HK2: variants seen among roughly 807,000 people sequenced by gnomAD.
HK2 encodes the protein hexokinase 2.
HK2 carries 42 observed loss-of-function variants against 92.9 expected under a neutral mutation model. The ratio of observed to expected loss-of-function variants is 0.45; its 90% confidence interval spans 0.35 to 0.58. The LOEUF is 0.58. HK2 is among the 20% of genes least tolerant of loss of function. The pLI is 0.00. For missense variants in HK2, 978 were observed against 1,245.1 expected (o/e 0.79, Z 3.23); for synonymous variants, 422 against 468.0 (o/e 0.90, Z 1.27).
At chr2:74,855,594 G>T (rs1394322905) in intron 2 of HK2, among the ~76,000 whole-genome samples, 1 of 152,234 alleles carries the variant, frequency 6.6e-6, no homozygotes, top group Admixed American at 6.5e-5. Context: ...GGGGAAAAAG[G>T]ATCACGGTGG....
rs1558800257 is a variant in HK2 at position 74,874,430 on chromosome 2, C to T, written c.856C>T (p.Leu286=). The change falls in exon 7 of 18, where the codon CTG becomes TTG. Residue 286 remains leucine, a synonymous_variant. Transcript: ENST00000290573. ...EFDQEIDMGS[L]NPGKQLFEKM... ...TGACCAGGAGATTGACATGGGCTCACTGAACCCGGGAAAGCAACTGTGAGT... is the reference window on the plus strand; with the variant it reads ...TGACCAGGAGATTGACATGGGCTCATTGAACCCGGGAAAGCAACTGTGAGT... The T allele has an allele frequency of 1.2e-6, 2 of 1,607,546 alleles. No individual in the cohort carries two copies. The highest frequency in any genetic ancestry group is 1.7e-6 in the Non-Finnish European group (2 of 1,176,358).
At chr2:74,861,273 TA>T (rs1688818588) in intron 2 of HK2, among the ~76,000 whole-genome samples, 1 of 152,106 alleles carries the variant, frequency 6.6e-6, no homozygotes, top group Non-Finnish European at 1.5e-5. Flanking sequence ...TATAAAAAAT[TA>T]GCCGGTTGTG....
intron 17 of HK2, among the ~76,000 whole-genome samples, chr2:74,890,595 A>T (rs565331981): frequency 6.6e-6 from 1 of 152,336 alleles, no homozygotes; most frequent in South Asian, 2.1e-4. Flanking sequence ...AATTGGGCAT[A>T]GTACTAGTGT....
Position 74,880,581 on chromosome 2 carries a change from G to T in HK2, c.1570+12G>T. 6.2e-7 allele frequency: 1 copy of T among 1,611,710 alleles called. No homozygotes were observed. The highest frequency in any genetic ancestry group is 2.2e-5 in the East Asian group (1 of 44,828). ...CCCGGACGGCACAGGTACACGGCAG[G>T]GTTGCCACCTGGCTCACATGGTGGG... On this transcript the variant is annotated intron_variant, in intron 10 of 17. Transcript: ENST00000290573.
Position 74,889,405 on chromosome 2 carries a change from C to G in HK2, c.2536C>G (p.Arg846Gly). ...AGMAAVVDRIRENRGLDALKV... is the reference protein window; with the variant it reads ...AGMAAVVDRIGENRGLDALKV... ...CATGGCCGCTGTGGTGGACAGGATA[C>G]GAGAAAACCGTGGGCTGGACGCTCT... is the stretch of plus-strand genomic sequence containing the variant. The change falls in exon 17 of 18, where the codon CGA becomes GGA. Residue 846 changes from arginine to glycine, a missense_variant. By Grantham distance (125) the Arg-to-Gly change is moderately radical. Transcript: ENST00000290573. 2 of 1,614,162 alleles carry G rather than the reference C, an allele frequency of 1.2e-6. No individual in the cohort carries two copies. The highest frequency in any genetic ancestry group is 1.7e-6 in the Non-Finnish European group (2 of 1,180,018).
intron 2 of HK2, among the ~76,000 whole-genome samples, chr2:74,859,564 A>T (rs1345822637): frequency 6.6e-6 from 1 of 152,112 alleles, no homozygotes; most frequent in Non-Finnish European, 1.5e-5. Context: ...CAGGCGGCTG[A>T]AGCAGGAAGA....
At chr2:74,845,987 A>G (rs1688425179) in intron 1 of HK2, among the ~76,000 whole-genome samples, 1 of 152,264 alleles carries the variant, frequency 6.6e-6, no homozygotes, top group South Asian at 2.1e-4. Context: ...CAGGGTGGGC[A>G]CACCTGTGCC....
chr2:74,835,525 C>T (rs1688141144), intron 1 of HK2, among the ~76,000 whole-genome samples: 1 of 152,088 alleles, frequency 6.6e-6, no homozygotes, highest in Non-Finnish European at 1.5e-5. Flanking sequence ...TGGCTGAGCG[C>T]TCACCGCGGC....
In HK2 at chr2:74,891,340, T is replaced by G; in HGVS notation, c.*399T>G. On this transcript the variant is annotated 3_prime_UTR_variant, in exon 18 of 18. Transcript: ENST00000290573. ...CTAAGTGGGGTGCATCCCCCAGCAC[T>G]GATGTTGTTACTGATTCTCCTGTCA... The G allele has an allele frequency of 3.6e-6, 1 of 280,322 alleles. No homozygotes were observed. Among genetic ancestry groups the G allele is most frequent in the Non-Finnish European group, 7.0e-6 (1 of 142,888 alleles). The allele number at this position is 280,322 out of a possible 1,614,324, so 17.4% of individuals were successfully genotyped here. A position where few individuals can be genotyped will look rare whatever the true frequency, so the allele number is the denominator to read the frequency against.
At position 74,877,022 on chromosome 2, in the gene HK2, C is replaced by G; in HGVS notation, c.876-144C>G. On this transcript the variant is annotated intron_variant, in intron 7 of 17. Transcript: ENST00000290573. ...AGCCAGCCCCTCTGAGCCGTCACCT[C>G]TCCACGTATCTTACTCCTGGGCCGT... 2.7e-6 allele frequency: 3 copies of G among 1,091,744 alleles called. 1 individual carries two copies. The South Asian group carries it at 4.0e-5, about 15-fold the overall frequency. The allele number at this position is 1,091,744 out of a possible 1,614,324, so 67.6% of individuals were successfully genotyped here.
chr2:74,880,164 CT>C, intron 9 of HK2, 100 bp from the exon 10 acceptor site: 1 of 1,338,032 alleles, frequency 7.5e-7, no homozygotes, highest in Non-Finnish European at 1.1e-6. Context: ...CTGCAGGTGC[CT>C]TTTGGCATTT....
intron 1 of HK2, among the ~76,000 whole-genome samples, chr2:74,852,688 TAAAA>T (rs886620139): frequency 6.9e-6 from 1 of 145,604 alleles, no homozygotes; most frequent in Admixed American, 6.8e-5. Flanking sequence ...ATTAAAAGAT[TAAAA>T]AAAAAAAACA....
chr2:74,853,528 AACAACAACAAC>A (rs1688620137), intron 1 of HK2, among the ~76,000 whole-genome samples: 1 of 29,624 alleles, frequency 3.4e-5, no homozygotes, highest in African/African-American at 5.8e-4. Flanking sequence ...AAACAACAAC[AACAACAACAAC>A]AACAACAACA....
In HK2 at chr2:74,873,250, ATATTCACTT is replaced by A; in HGVS notation, c.496-25_496-17del. The A allele has an allele frequency of 6.5e-7, 1 of 1,548,824 alleles. No individual in the cohort carries two copies. The highest frequency in any genetic ancestry group is 8.9e-7 in the Non-Finnish European group (1 of 1,120,620). ...GAGTTTCAGTTTTAGTGGGAAATCA[ATATTCACTT>A]CTTGGTCCCTTTCCAGAGTTTCCTG... On this transcript the variant is annotated splice_polypyrimidine_tract_variant and intron_variant, in intron 4 of 17. Coordinates refer to ENST00000290573, the MANE Select transcript of HK2 (RefSeq NM_000189.5).
chr2:74,854,386 G>A lies in HK2; in HGVS notation c.157G>A (p.Ala53Thr). 1 of 1,614,160 alleles carries A rather than the reference G, an allele frequency of 6.2e-7. No homozygotes were observed. The highest frequency in any genetic ancestry group is 8.5e-7 in the Non-Finnish European group (1 of 1,180,024). The change falls in exon 2 of 18, where the codon GCC (alanine) becomes ACC (threonine). Residue 53 changes from alanine (A) to threonine (T), a missense_variant. This residue lies in a region of HK2 where 189 missense variants were observed against 289.5 expected (regional missense o/e 0.65). Transcript: ENST00000290573. Reference sequence around the variant, plus strand: ...CAAGGAGATGGAGAAAGGGCTTGGAGCCACCACTCACCCTACTGCAGCAGT... The same window carrying A: ...CAAGGAGATGGAGAAAGGGCTTGGAACCACCACTCACCCTACTGCAGCAGT... Reference protein sequence around the residue: ...FRKEMEKGLGATTHPTAAVKM... With the variant: ...FRKEMEKGLGTTTHPTAAVKM...
rs2103962887 is a variant in HK2, at chr2:74,874,246, G to GC, written c.692-18dup. On this transcript the variant is annotated intron_variant, in intron 6 of 17. Coordinates refer to ENST00000290573, the MANE Select transcript of HK2 (RefSeq NM_000189.5). ...AGGGGCCGGAGCAGGCGTGTGCATA[G>GC]CCGTCCCTTGTTTTGGCAGGCACGG... is the stretch of plus-strand genomic sequence containing the variant. The GC allele has an allele frequency of 6.2e-7, 1 of 1,614,048 alleles. No homozygotes were observed. The highest frequency in any genetic ancestry group is 2.2e-5 in the East Asian group (1 of 44,886).
Position 74,834,678 on chromosome 2 carries a change from C to T in HK2, c.63+35C>T. ...CGCGGGCGGGGCGGCAGGCTGGGCT[C>T]TGGCAAAGTGGTCTGGCCTCCATCA... is the stretch of plus-strand genomic sequence containing the variant. On this transcript the variant is annotated intron_variant, in intron 1 of 17. Coordinates refer to ENST00000290573, the MANE Select transcript of HK2 (RefSeq NM_000189.5). This position sits in a 1 kb window ranked among gnomAD's most constrained non-coding sequence, Gnocchi z 4.2. 1 of 1,608,322 alleles carries T rather than the reference C, an allele frequency of 6.2e-7. No homozygotes were observed. The highest frequency in any genetic ancestry group is 8.5e-7 in the Non-Finnish European group (1 of 1,174,884).
intron 3 of HK2, chr2:74,868,014 G>A (rs886373568): frequency 9.5e-6 from 5 of 524,436 alleles, no homozygotes; most frequent in Non-Finnish European, 1.4e-5. Context: ...GAAGAAGCAT[G>A]AAATCCAAGT....
chr2:74,837,672 CTTTTTTTTTTTT>C lies in HK2; in HGVS notation c.63+3040_63+3051del, dbSNP rs894014535. On this transcript the variant is annotated intron_variant, in intron 1 of 17. Coordinates refer to ENST00000290573, the MANE Select transcript of HK2 (RefSeq NM_000189.5). Reference sequence around the variant, plus strand: ...TCACACTAGGTCCTTTTGCCCTTGTCTTTTTTTTTTTTTTTTTTTTTTGAGACACAGTTTCAC... The same window carrying C: ...TCACACTAGGTCCTTTTGCCCTTGTCTTTTTTTTTTGAGACACAGTTTCAC... 3.8e-5 allele frequency among the ~76,000 whole-genome samples: 4 copies of C among 104,132 alleles called. No homozygotes were observed. The South Asian group carries it at 1.3e-3, about 34-fold the overall frequency. The allele number at this position is 104,132 out of a possible 152,430, so 68.3% of individuals were successfully genotyped here. A position where few individuals can be genotyped will look rare whatever the true frequency, so the allele number is the denominator to read the frequency against.
Sources: gnomAD v4.1 joint callset for allele counts (sites outside exome capture counted in the v4.1 genomes callset) on GRCh38, gnomAD v4.1.1 for gene constraint, gnomAD v4.1.1 regional missense constraint, Gnocchi (gnomAD v3.1) non-coding constraint, MANE v1.5 for transcripts, NCBI Gene and HGNC (gene_info 2026-07-23, HGNC 2026-07-21) for gene names.